The following EEPD1 variants were observed in gnomAD, a reference collection of about 807,000 sequenced individuals.
The protein encoded by EEPD1 is endonuclease/exonuclease/phosphatase family domain containing 1, also known as endonuclease/exonuclease/phosphatase family domain-containing protein 1.
In EEPD1, 17 loss-of-function variants were observed where a neutral mutation model predicts 46.3. The ratio of observed to expected loss-of-function variants is 0.37; its 90% CI spans 0.25 to 0.55. EEPD1 has a LOEUF of 0.55. Ranked by LOEUF, EEPD1 falls within the 20% of genes least tolerant of loss-of-function variation. EEPD1 has a pLI of 0.83. For synonymous variants in EEPD1, 313 were observed against 315.6 expected, an observed-to-expected ratio of 0.99 and a Z score of 0.09; for missense variants, 673 against 745.6, an observed-to-expected ratio of 0.90 and a Z score of 1.13.
At chr7:36,205,394 A>C (rs1363669103) in intron 2 of EEPD1, among the ~76,000 whole-genome samples, 1 of 152,244 alleles carries the variant, frequency 6.6e-6, no homozygotes, top group African/African-American at 2.4e-5. Context: ...CTTTTCAAAG[A>C]TTCATCTCCT....
intron 3 of EEPD1, among the ~76,000 whole-genome samples, chr7:36,246,850 G>A (rs551575928): frequency 1.3e-5 from 2 of 152,242 alleles, no homozygotes; most frequent in African/African-American, 4.8e-5. Flanking sequence ...CTTGGGCTGG[G>A]CGCAGTGTCT....
In EEPD1 at chr7:36,291,464, C is replaced by T. The variant is rs900806181; in HGVS notation, c.1315+3687C>T. 7.2e-5 allele frequency among the ~76,000 whole-genome samples: 11 copies of T among 152,302 alleles called. No homozygotes were observed. In the South Asian group the frequency reaches 1.9e-3, roughly 26 times the overall value. On this transcript the variant is annotated intron_variant, in intron 6 of 7. Transcript: ENST00000242108. ...CTGCAGAAGGGAGATGGTAACAGCACCTGCCCCATGGGTCGTGGCTGTTAA... is the reference window on the plus strand; with the variant it reads ...CTGCAGAAGGGAGATGGTAACAGCATCTGCCCCATGGGTCGTGGCTGTTAA...
chr7:36,205,659 A>AT (rs1583808110), intron 2 of EEPD1, among the ~76,000 whole-genome samples: 1 of 152,150 alleles, frequency 6.6e-6, no homozygotes. Flanking sequence ...ATAGAATGTG[A>AT]TTTTTCCCCA....
chr7:36,243,482 A>T (rs1256916518), intron 3 of EEPD1, among the ~76,000 whole-genome samples: 1 of 152,142 alleles, frequency 6.6e-6, no homozygotes, highest in Non-Finnish European at 1.5e-5. Context: ...TGCAAACCTC[A>T]AACCTCTTTT....
chr7:36,213,163 A>C (rs1785965836), intron 2 of EEPD1, among the ~76,000 whole-genome samples: 1 of 152,174 alleles, frequency 6.6e-6, no homozygotes, highest in African/African-American at 2.4e-5. Flanking sequence ...CAAAAAATAA[A>C]AATAAATAAA....
intron 2 of EEPD1, among the ~76,000 whole-genome samples, chr7:36,170,346 T>G (rs1381879791): frequency 1.3e-5 from 2 of 152,038 alleles, no homozygotes; most frequent in Non-Finnish European, 2.9e-5. Flanking sequence ...GAGGCAGAGG[T>G]TGCAGTGAGC....
At chr7:36,237,091 CG>C (rs1278872985) in intron 2 of EEPD1, among the ~76,000 whole-genome samples, 1 of 152,192 alleles carries the variant, frequency 6.6e-6, no homozygotes. Context: ...CCAGGAGGAA[CG>C]AACAACTCCA....
intron 6 of EEPD1, 144 bp downstream of exon 6, chr7:36,287,921 T>A: frequency 8.4e-7 from 1 of 1,189,584 alleles, no homozygotes. Context: ...ACCTCTGGCA[T>A]CTCATGGAGC....
chr7:36,155,902 T>C (rs1406355538), intron 2 of EEPD1, among the ~76,000 whole-genome samples: 1 of 152,212 alleles, frequency 6.6e-6, no homozygotes, highest in African/African-American at 2.4e-5. Flanking sequence ...ACAGAGCGTT[T>C]ATGTTATTCA....
intron 2 of EEPD1, among the ~76,000 whole-genome samples, chr7:36,179,894 T>TA (rs1172889865): frequency 4.6e-5 from 7 of 152,138 alleles, no homozygotes; most frequent in Admixed American, 4.6e-4. Flanking sequence ...GAAGCACAGT[T>TA]ACCTGAGTCA....
intron 3 of EEPD1, among the ~76,000 whole-genome samples, chr7:36,263,244 A>T (rs962771350): frequency 2.6e-5 from 4 of 152,114 alleles, no homozygotes; most frequent in African/African-American, 9.6e-5. Context: ...AGGCGTGAGT[A>T]TTGCCTGAGC....
At chr7:36,205,982 T>A (rs1165126501) in intron 2 of EEPD1, among the ~76,000 whole-genome samples, 1 of 152,188 alleles carries the variant, frequency 6.6e-6, no homozygotes, top group African/African-American at 2.4e-5. Context: ...TTGAGGGCGC[T>A]GTGTCTTCCA....
At chr7:36,276,227 T>C (rs1344132903) in intron 3 of EEPD1, among the ~76,000 whole-genome samples, 1 of 152,130 alleles carries the variant, frequency 6.6e-6, no homozygotes, top group Non-Finnish European at 1.5e-5. Flanking sequence ...CAGGTTTCAG[T>C]AAAGAAGCCG....
At chr7:36,222,793 T>G (rs776845446) in intron 2 of EEPD1, among the ~76,000 whole-genome samples, 76 of 152,134 alleles carry the variant, frequency 5.0e-4, no homozygotes, top group Admixed American at 4.4e-3. Context: ...GCCTCTTTTA[T>G]AAAGTCACTA....
chr7:36,175,888 C>T (rs911359950), intron 2 of EEPD1, among the ~76,000 whole-genome samples: 2 of 152,120 alleles, frequency 1.3e-5, no homozygotes, highest in East Asian at 1.9e-4. Flanking sequence ...CTTGGCTGAA[C>T]GGGGAGGAGG....
chr7:36,180,731 G>A (rs1355141946), intron 2 of EEPD1, among the ~76,000 whole-genome samples: 2 of 152,122 alleles, frequency 1.3e-5, no homozygotes, highest in Admixed American at 1.3e-4. Flanking sequence ...TGGGAAGCTG[G>A]TTCCAATTCT....
intron 2 of EEPD1, among the ~76,000 whole-genome samples, chr7:36,185,204 G>A (rs146804379): frequency 6.6e-6 from 1 of 152,318 alleles, no homozygotes; most frequent in East Asian, 1.9e-4. Flanking sequence ...CTGTATCCTT[G>A]AACAGAGGCA....
At position 36,212,933 on chromosome 7, in the gene EEPD1, G is replaced by A. The variant is rs541498363; in HGVS notation, c.879-26052G>A. Among the ~76,000 whole-genome samples the A allele has an allele frequency of 1.2e-3, 187 of 152,222 alleles. 1 individual carries two copies. The highest frequency in any genetic ancestry group is 0.01 in the Middle Eastern group (3 of 294). ...TTTGGGAGGCCAAGGCAGGCAGATC[G>A]CCTGAGGTTAAGAGTTCAAGACCAG... On this transcript the variant is annotated intron_variant, in intron 2 of 7. Transcript: ENST00000242108.
rs70977116 is a variant in EEPD1, at chr7:36,198,415, CAAAAAAAA to C, written c.879-40558_879-40551del. Among the ~76,000 whole-genome samples the C allele has an allele frequency of 0.014, 1,335 of 93,694 alleles. 58 individuals are homozygous for C. The East Asian group carries it at 0.15, about 11-fold the overall frequency. The allele number at this position is 93,694 out of a possible 152,430, so 61.5% of individuals were successfully genotyped here. A position where few individuals can be genotyped will look rare whatever the true frequency, so the allele number is the denominator to read the frequency against. On this transcript the variant is annotated intron_variant, in intron 2 of 7. Coordinates refer to ENST00000242108, the MANE Select transcript of EEPD1 (RefSeq NM_030636.3). ...ACTGGTTAATAAAACTTTAATAAAC[CAAAAAAAA>C]AAAAAAAAAAAGAAATCTTTTAGCT...
Sources: allele counts gnomAD v4.1 joint callset (sites outside exome capture counted in the v4.1 genomes callset), GRCh38; gene constraint gnomAD v4.1.1; transcripts MANE v1.5; gene names NCBI Gene and HGNC (gene_info 2026-07-23, HGNC 2026-07-21).